GRID2: variants seen among roughly 807,000 people sequenced by gnomAD.
GRID2 encodes glutamate ionotropic receptor delta type subunit 2, also known as glutamate receptor ionotropic, delta-2.
In GRID2, 33 loss-of-function variants were observed where a neutral mutation model predicts 114.8. The observed-to-expected ratio is 0.29, with a 90% CI of 0.22 to 0.38. The LOEUF (loss-of-function observed/expected upper bound fraction) is 0.38, where lower values mean the gene tolerates loss of function less well. Ranked by LOEUF, GRID2 falls within the 10% of genes least tolerant of loss-of-function variation. The pLI is 1.00. For missense variants in GRID2, 1,184 were observed against 1,257.7 expected, an observed-to-expected ratio of 0.94 and a Z score of 0.89; for synonymous variants, 505 against 449.9, an observed-to-expected ratio of 1.12 and a Z score of -1.55.
rs1228535152 is a variant in GRID2 at position 93,616,581 on chromosome 4, AATATTTATAAAATAAATATTTTATT to A, written c.2194-9668_2194-9644del. Reference sequence around the variant, plus strand: ...ATAAATATAAATATTTATTTTTATAAATATTTATAAAATAAATATTTTATTATATTTATAAAATAAATATAAAAAA... The same window carrying A: ...ATAAATATAAATATTTATTTTTATAAATATTTATAAAATAAATATAAAAAA... On this transcript the variant is annotated intron_variant, in intron 13 of 15. Transcript: ENST00000282020. Among the ~76,000 whole-genome samples, 365 of 106,744 alleles carry A rather than the reference AATATTTATAAAATAAATATTTTATT, an allele frequency of 3.4e-3. 2 individuals carry two copies. The highest frequency in any genetic ancestry group is 0.014 in the Middle Eastern group (3 of 216). 70.0% of individuals were successfully genotyped at this position (106,744 alleles called of 152,430 possible).
intron 1 of GRID2, among the ~76,000 whole-genome samples, chr4:92,345,698 G>A (rs997339768): frequency 1.3e-5 from 2 of 151,968 alleles, no homozygotes; most frequent in African/African-American, 2.4e-5. Flanking sequence ...TATCTATAAC[G>A]ATTTCCTGCT....
intron 2 of GRID2, among the ~76,000 whole-genome samples, chr4:93,026,170 A>G (rs988533966): frequency 6.6e-6 from 1 of 151,828 alleles, no homozygotes; most frequent in African/African-American, 2.4e-5. Flanking sequence ...CTTCCCTTTC[A>G]GCAGTTATAA....
intron 14 of GRID2, among the ~76,000 whole-genome samples, chr4:93,755,826 A>T (rs1052871105): frequency 1.3e-5 from 2 of 152,200 alleles, no homozygotes; most frequent in African/African-American, 4.8e-5. Context: ...ACATCAAGTT[A>T]TCATATGTGA....
At chr4:93,644,178 C>G (rs986811064) in intron 14 of GRID2, among the ~76,000 whole-genome samples, 2 of 89,460 alleles carry the variant, frequency 2.2e-5, no homozygotes, top group African/African-American at 6.8e-5. Context: ...GGCTCGCGCA[C>G]GGTGCGCACA....
intron 14 of GRID2, among the ~76,000 whole-genome samples, chr4:93,697,097 G>A (rs1040854868): frequency 2.6e-5 from 4 of 152,066 alleles, no homozygotes; most frequent in African/African-American, 9.7e-5. Flanking sequence ...ACAAATATTA[G>A]GCAATTCAAA....
chr4:93,633,568 C>A (rs1034600602), intron 14 of GRID2, among the ~76,000 whole-genome samples: 1 of 152,050 alleles, frequency 6.6e-6, no homozygotes, highest in African/African-American at 2.4e-5. Context: ...AAGATCAGCC[C>A]ATTTACTTAC....
rs569762350 is a variant in GRID2 at position 92,315,964 on chromosome 4, C to T, written c.88+11220C>T. Among the ~76,000 whole-genome samples, 3 of 124,556 alleles carry T rather than the reference C, an allele frequency of 2.4e-5. No individual in the cohort carries two copies. In the South Asian group the frequency reaches 7.4e-4, roughly 31 times the overall value. 81.7% of individuals were successfully genotyped at this position (124,556 alleles called of 152,430 possible). On this transcript the variant is annotated intron_variant, in intron 1 of 15. Coordinates refer to ENST00000282020, the MANE Select transcript of GRID2 (RefSeq NM_001510.4). ...CAGCCTGGGCAACAAGAGTGAAACT[C>T]CAACTCAAAAAAAAACAAAAACAAA...
chr4:93,556,586 A>G (rs1350203127), intron 13 of GRID2, among the ~76,000 whole-genome samples: 1 of 152,190 alleles, frequency 6.6e-6, no homozygotes, highest in Non-Finnish European at 1.5e-5. Context: ...GCCTCCAAGA[A>G]ATATGGGACT....
chr4:93,304,126 C>T (rs1334755968), intron 8 of GRID2, among the ~76,000 whole-genome samples: 1 of 151,112 alleles, frequency 6.6e-6, no homozygotes, highest in East Asian at 1.9e-4. Flanking sequence ...AGAAGAAATA[C>T]ATATCAATTA....
At chr4:93,369,275 C>T (rs1762644068) in intron 8 of GRID2, among the ~76,000 whole-genome samples, 1 of 152,148 alleles carries the variant, frequency 6.6e-6, no homozygotes, top group African/African-American at 2.4e-5. Flanking sequence ...ACAAATCTCC[C>T]TCTACCATAG....
chr4:93,389,881 C>G (rs1183467534), intron 8 of GRID2, among the ~76,000 whole-genome samples: 1 of 151,960 alleles, frequency 6.6e-6, no homozygotes, highest in Non-Finnish European at 1.5e-5. Flanking sequence ...CTCCATCTCC[C>G]AGGTTCAAGC....
rs111895974 is a variant in GRID2 at position 93,233,844 on chromosome 4, C to T, written c.1126-4527C>T. 1.7e-3 allele frequency among the ~76,000 whole-genome samples: 251 copies of T among 152,058 alleles called. 1 individual carries two copies. Among genetic ancestry groups the T allele is most frequent in the Admixed American group, 0.012 (185 of 15,258 alleles). On this transcript the variant is annotated intron_variant, in intron 7 of 15. Coordinates refer to ENST00000282020, the MANE Select transcript of GRID2 (RefSeq NM_001510.4). ...AAGTAGATATCCTTGAGGATATTTA[C>T]AGGATTGAAATAAGATTTGGTGATT...
intron 2 of GRID2, among the ~76,000 whole-genome samples, chr4:92,873,781 C>A (rs1457427022): frequency 6.6e-6 from 1 of 152,136 alleles, no homozygotes; most frequent in Non-Finnish European, 1.5e-5. Context: ...ATGGCATGAT[C>A]TCGGCTCACC....
intron 8 of GRID2, among the ~76,000 whole-genome samples, chr4:93,270,199 C>G (rs1364022115): frequency 7.3e-6 from 1 of 137,208 alleles, no homozygotes; most frequent in Non-Finnish European, 1.5e-5. Context: ...TATAATCTCT[C>G]TCTCTCACAC....
intron 2 of GRID2, among the ~76,000 whole-genome samples, chr4:92,904,954 C>A (rs999472670): frequency 6.6e-6 from 1 of 152,064 alleles, no homozygotes; most frequent in South Asian, 2.1e-4. Flanking sequence ...AATGTAATGG[C>A]TTTTAAAATT....
intron 12 of GRID2, among the ~76,000 whole-genome samples, chr4:93,496,953 C>T (rs576285800): frequency 2.0e-5 from 3 of 151,854 alleles, no homozygotes; most frequent in South Asian, 2.1e-4. Context: ...AAGAAACTGC[C>T]CTACTAATTT....
chr4:92,901,618 T>C (rs1336084994), intron 2 of GRID2, among the ~76,000 whole-genome samples: 1 of 152,188 alleles, frequency 6.6e-6, no homozygotes, highest in East Asian at 1.9e-4. Flanking sequence ...ATTTATAGTT[T>C]CATTTGATTT....
chr4:93,796,043 T>TA (rs1449152073), intron 1 of GRID2, among the ~76,000 whole-genome samples: 3 of 152,170 alleles, frequency 2.0e-5, no homozygotes, highest in Non-Finnish European at 4.4e-5. Context: ...CAGAGGCCCC[T>TA]ATTCTCTTAC....
intron 2 of GRID2, among the ~76,000 whole-genome samples, chr4:93,061,200 T>TTG (rs67414207): frequency 3.1e-4 from 31 of 100,684 alleles, no homozygotes; most frequent in Admixed American, 5.6e-4. Flanking sequence ...TTTCTTGTTT[T>TTG]TTTTTTTTTT....
Sources: gnomAD v4.1 joint callset for allele counts (sites outside exome capture counted in the v4.1 genomes callset) on GRCh38, gnomAD v4.1.1 for gene constraint, MANE v1.5 for transcripts, NCBI Gene and HGNC (gene_info 2026-07-23, HGNC 2026-07-21) for gene names.